Variants in DNAH14 observed in about 807,000 individuals in gnomAD.
The protein encoded by DNAH14 is dynein axonemal heavy chain 14.
Under a neutral mutation model 520.9 loss-of-function variants are expected in DNAH14, and 478 were observed. That is an observed-to-expected ratio of 0.92 (90% CI 0.85 to 0.99). The LOEUF is 0.99. DNAH14 is among the 50% of genes least tolerant of loss of function. The pLI, the probability that DNAH14 is intolerant of heterozygous loss-of-function variation, is 0.00. For synonymous variants in DNAH14, 1,581 were observed against 1,757.2 expected, an observed-to-expected ratio of 0.90 and a Z score of 2.51; for missense variants, 4,831 against 5,234.5, an observed-to-expected ratio of 0.92 and a Z score of 2.38.
chr1:225,158,056 GAC>G (rs1223265063), intron 34 of DNAH14, among the ~76,000 whole-genome samples: 2 of 152,118 alleles, frequency 1.3e-5, no homozygotes, highest in African/African-American at 4.8e-5. Context: ...ATATTCTCCT[GAC>G]AAAGAAATGA....
At chr1:224,990,195 C>A (rs1412680074) in intron 8 of DNAH14, among the ~76,000 whole-genome samples, 1 of 151,942 alleles carries the variant, frequency 6.6e-6, no homozygotes, top group Non-Finnish European at 1.5e-5. Context: ...TTTACATTGA[C>A]AGATTATAGT....
intron 49 of DNAH14, among the ~76,000 whole-genome samples, chr1:225,267,326 GCT>G: frequency 7.8e-6 from 1 of 128,184 alleles, no homozygotes; most frequent in Non-Finnish European, 1.6e-5. Context: ...ATGGAATCTC[GCT>G]CTGTCACCAA....
At chr1:225,287,907 G>A (rs1246148490) in intron 54 of DNAH14, among the ~76,000 whole-genome samples, 2 of 152,108 alleles carry the variant, frequency 1.3e-5, no homozygotes, top group Non-Finnish European at 2.9e-5. Flanking sequence ...AAGAAATAAA[G>A]TGGTATTAAA....
intron 71 of DNAH14, among the ~76,000 whole-genome samples, chr1:225,348,905 G>A (rs578202952): frequency 6.6e-6 from 1 of 152,280 alleles, no homozygotes; most frequent in African/African-American, 2.4e-5. Flanking sequence ...TAATGGATAT[G>A]CAATATATAA....
At position 225,082,570 on chromosome 1, in the gene DNAH14, T is replaced by A; in HGVS notation, c.3158T>A (p.Val1053Glu). Residue 1053 changes from valine (V) to glutamate (E), a missense_variant, in exon 20 of 86, where the codon GTA (valine) becomes GAA (glutamate). Val to Glu is a moderately radical substitution (Grantham distance 121, BLOSUM62 -2). Transcript: ENST00000682510. ...ATAGGTTTACCTAAAAGCGATATGG[T>A]AACACATCTTAAGCAAGTGGTAACA... ...LEKGLPKSDM[V>E]THLKQVVTEF... 2 of 1,551,024 alleles carry A rather than the reference T, an allele frequency of 1.3e-6. No individual in the cohort carries two copies. Among genetic ancestry groups the A allele is most frequent in the African/African-American group, 2.7e-5 (2 of 73,130 alleles).
chr1:225,393,112 G>T (rs1386091058), intron 84 of DNAH14, among the ~76,000 whole-genome samples: 5 of 152,128 alleles, frequency 3.3e-5, no homozygotes, highest in African/African-American at 1.2e-4. Context: ...GGGAGACATT[G>T]GTTTAAAGAT....
chr1:225,332,948 G>A (rs1259756009), intron 65 of DNAH14, among the ~76,000 whole-genome samples: 1 of 151,998 alleles, frequency 6.6e-6, no homozygotes, highest in Non-Finnish European at 1.5e-5. Flanking sequence ...AGGCTGCAGT[G>A]AGCTGTGATT....
rs573350094 is a variant in DNAH14 at position 225,322,747 on chromosome 1, C to T, written c.9419C>T (p.Thr3140Met). The T allele has an allele frequency of 1.8e-4, 275 of 1,551,602 alleles. 1 individual carries two copies. The South Asian group carries it at 2.9e-3, about 17-fold the overall frequency. Residue 3140 changes from threonine (T) to methionine (M), a missense_variant, in exon 62 of 86, where the codon ACG becomes ATG. Physicochemically the swap from Thr to Met is moderately conservative, Grantham distance 81. Coordinates refer to ENST00000682510, the MANE Select transcript of DNAH14 (RefSeq NM_001367479.1). ...CTGCAAAAGAAACCTAACTGGGCAA[C>T]GGCAAAGTTACTTCTTTCAGAAACT... ...ILLQKKPNWA[T>M]AKLLLSETGF...
chr1:225,212,411 G>T (rs1301576190), intron 41 of DNAH14, among the ~76,000 whole-genome samples: 2 of 152,054 alleles, frequency 1.3e-5, no homozygotes, highest in African/African-American at 2.4e-5. Context: ...AATCCTTTGG[G>T]TATATACCCA....
chr1:225,271,071 A>G (rs976359035), intron 50 of DNAH14, among the ~76,000 whole-genome samples: 6 of 152,218 alleles, frequency 3.9e-5, no homozygotes, highest in African/African-American at 2.4e-5. Context: ...CTTGTGGTGC[A>G]TGTCCAATGC....
chr1:225,351,822 C>A lies in DNAH14; in HGVS notation c.11472C>A (p.Ile3824=). 6.4e-7 allele frequency: 1 copy of A among 1,551,266 alleles called. No homozygotes were observed. Among genetic ancestry groups the A allele is most frequent in the South Asian group, 1.2e-5 (1 of 84,032 alleles). ...FKNSKAVYSL[I]STPFSSENAS... Reference sequence around the variant, plus strand: ...ACAGTAAAGCAGTTTATTCTCTGATCAGCACACCTTTCTCTTCAGAAAATG... The same window carrying A: ...ACAGTAAAGCAGTTTATTCTCTGATAAGCACACCTTTCTCTTCAGAAAATG... Residue 3824 remains isoleucine (I), a synonymous_variant, in exon 72 of 86, where the codon ATC becomes ATA. Transcript: ENST00000682510.
chr1:225,092,414 C>A (rs1208222269), intron 21 of DNAH14, among the ~76,000 whole-genome samples: 1 of 152,044 alleles, frequency 6.6e-6, no homozygotes, highest in African/African-American at 2.4e-5. Flanking sequence ...AATTGAATAA[C>A]CTGATCCTGA....
intron 43 of DNAH14, among the ~76,000 whole-genome samples, chr1:225,247,513 G>A (rs1243215366): frequency 1.3e-5 from 2 of 152,176 alleles, no homozygotes; most frequent in Non-Finnish European, 2.9e-5. Flanking sequence ...ACAGTGATGA[G>A]CGAGAGGATC....
At chr1:225,276,942 AAAGGAAGGAAGG>A (rs1233915382) in intron 53 of DNAH14, among the ~76,000 whole-genome samples, 46 of 69,056 alleles carry the variant, frequency 6.7e-4, no homozygotes, top group South Asian at 1.7e-3. Flanking sequence ...AGAAGAAGAA[AAAGGAAGGAAGG>A]AAGGAAGGAA....
intron 43 of DNAH14, among the ~76,000 whole-genome samples, chr1:225,243,956 C>T (rs996712986): frequency 6.6e-6 from 1 of 151,974 alleles, no homozygotes; most frequent in African/African-American, 2.4e-5. Context: ...AGCTTTTGCC[C>T]AGTCAGTATG....
intron 6 of DNAH14, among the ~76,000 whole-genome samples, chr1:224,968,530 G>A (rs1233222821): frequency 6.6e-6 from 1 of 152,060 alleles, no homozygotes; most frequent in East Asian, 1.9e-4. Context: ...TCTCTCTGTT[G>A]GAGCACAAGA....
intron 75 of DNAH14, among the ~76,000 whole-genome samples, chr1:225,362,604 AATC>A (rs2095505749): frequency 6.6e-6 from 1 of 151,578 alleles, no homozygotes; most frequent in Non-Finnish European, 1.5e-5. Context: ...CAGCATCACT[AATC>A]ATTAGGGAAA....
intron 46 of DNAH14, among the ~76,000 whole-genome samples, 172 bp from the exon 47 acceptor site, chr1:225,264,025 T>A (rs1210264275): frequency 6.6e-6 from 1 of 152,096 alleles, no homozygotes; most frequent in East Asian, 1.9e-4. Context: ...CAGTTTGGTA[T>A]AAGTTCTTAT....
intron 5 of DNAH14, among the ~76,000 whole-genome samples, chr1:224,966,724 C>T (rs1471236756): frequency 6.6e-6 from 1 of 152,122 alleles, no homozygotes; most frequent in Admixed American, 6.6e-5. Context: ...CTTTCTCTGT[C>T]ACCCAGGCTG....
Sources: allele counts gnomAD v4.1 joint callset (sites outside exome capture counted in the v4.1 genomes callset), GRCh38; gene constraint gnomAD v4.1.1; transcripts MANE v1.5; gene names NCBI Gene and HGNC (gene_info 2026-07-23, HGNC 2026-07-21).